Variants in ABI3BP observed in about 807,000 individuals in gnomAD.
ABI3BP encodes target of Nesh-SH3.
ABI3BP carries 216 observed loss-of-function variants against 268.6 expected under a neutral mutation model. That is an observed-to-expected ratio of 0.80 (90% confidence interval 0.72 to 0.90). The LOEUF (loss-of-function observed/expected upper bound fraction) is 0.90, where lower values mean the gene tolerates loss of function less well. ABI3BP is among the 40% of genes least tolerant of loss of function. ABI3BP has a pLI of 0.00. For missense variants in ABI3BP, 2,090 were observed against 2,182.4 expected (o/e 0.96, Z 0.84); for synonymous variants, 730 against 730.0 (o/e 1.00, Z 0.00).
chr3:100,835,423 A>T (rs570079899), intron 28 of ABI3BP, among the ~76,000 whole-genome samples, 178 bp downstream of exon 28: 2 of 152,348 alleles, frequency 1.3e-5, no homozygotes, highest in African/African-American at 4.8e-5. Flanking sequence ...GTATGGGCTT[A>T]TAACCAAGTA....
At chr3:100,822,712 A>G (rs774495280) in intron 37 of ABI3BP, 40 bp from the exon 38 acceptor site, 8 of 1,503,192 alleles carry the variant, frequency 5.3e-6, no homozygotes, top group Non-Finnish European at 7.2e-6. Flanking sequence ...TAACTGCATT[A>G]TCTATGATTC....
At chr3:100,878,281 T>A (rs1163508462) in intron 6 of ABI3BP, among the ~76,000 whole-genome samples, 2 of 152,188 alleles carry the variant, frequency 1.3e-5, no homozygotes, top group Non-Finnish European at 2.9e-5. Flanking sequence ...TATAAATACA[T>A]GTATAGAAAA....
intron 1 of ABI3BP, chr3:100,945,721 C>A: frequency 2.4e-6 from 1 of 410,538 alleles, no homozygotes; most frequent in Non-Finnish European, 4.8e-6. Context: ...TTATTCAATC[C>A]AAATATTCAT....
At position 100,770,806 on chromosome 3, in the gene ABI3BP, C is replaced by T. The variant is rs753092683; in HGVS notation, c.4678G>A (p.Val1560Met). Reference sequence around the variant, plus strand: ...ATGACAAATGAGGGGCACCCTTCCACGGTGACCACAGTGAGGTTGGTGGGT... The same window carrying T: ...ATGACAAATGAGGGGCACCCTTCCATGGTGACCACAGTGAGGTTGGTGGGT... ...NPPTNLTVVT[V>M]EGCPSFVILD... Residue 1560 changes from valine (V) to methionine (M), a missense_variant, in exon 62 of 68, where the codon GTG becomes ATG. Physicochemically the swap from Val to Met is conservative, Grantham distance 21. Coordinates refer to ENST00000471714, the MANE Select transcript of ABI3BP (RefSeq NM_001375547.2). 36 of 1,586,052 alleles carry T rather than the reference C, an allele frequency of 2.3e-5. No individual in the cohort carries two copies. Among genetic ancestry groups the T allele is most frequent in the East Asian group, 1.4e-4 (6 of 43,566 alleles).
At chr3:100,795,734 A>C (rs777963604) in intron 53 of ABI3BP, 70 bp downstream of exon 53, 3 of 1,126,638 alleles carry the variant, frequency 2.7e-6, no homozygotes, top group Non-Finnish European at 3.5e-6. Context: ...CAACAGGATC[A>C]TTTGAGAAAG....
In ABI3BP at chr3:100,794,060, T is replaced by C. The variant is rs72930692; in HGVS notation, c.3946+863A>G. ...GCCTCTTTCCCATCTGTCCGTAACT[T>C]CAAAGAACCATTTGCATCTTTGACT... On this transcript the variant is annotated intron_variant, in intron 54 of 67. Coordinates refer to ENST00000471714, the MANE Select transcript of ABI3BP (RefSeq NM_001375547.2). Among the ~76,000 whole-genome samples, 708 of 152,162 alleles carry C rather than the reference T, an allele frequency of 4.7e-3. 7 individuals are homozygous for C. The highest frequency in any genetic ancestry group is 0.016 in the African/African-American group (685 of 41,546).
At chr3:100,984,636 G>C (rs1382346577) in intron 1 of ABI3BP, among the ~76,000 whole-genome samples, 2 of 152,074 alleles carry the variant, frequency 1.3e-5, no homozygotes, top group Non-Finnish European at 1.5e-5. Flanking sequence ...GGCTTTAGTA[G>C]GTGAGGGAAA....
chr3:100,768,349 G>A (rs565596586), intron 62 of ABI3BP, among the ~76,000 whole-genome samples: 68 of 152,148 alleles, frequency 4.5e-4, no homozygotes, highest in African/African-American at 1.3e-3. Context: ...CAGCCTCCCA[G>A]AGTGCTGGGA....
At chr3:100,862,715 C>G in intron 13 of ABI3BP, 123 bp downstream of exon 13, 2 of 676,084 alleles carry the variant, frequency 3.0e-6, no homozygotes, top group Non-Finnish European at 4.7e-6. Flanking sequence ...ATCAAATCAA[C>G]CATTTGTTTG....
intron 10 of ABI3BP, among the ~76,000 whole-genome samples, chr3:100,865,145 T>C (rs748831067): frequency 7.9e-5 from 12 of 152,338 alleles, no homozygotes; most frequent in East Asian, 5.8e-4. Context: ...CTGACTTTCA[T>C]TGAAACACTT....
At chr3:100,754,224 A>T (rs2095496814) in intron 64 of ABI3BP, among the ~76,000 whole-genome samples, 1 of 152,226 alleles carries the variant, frequency 6.6e-6, no homozygotes, top group Admixed American at 6.5e-5. Flanking sequence ...TTAATGCTGT[A>T]TGTGCAGATG....
intron 11 of ABI3BP, chr3:100,864,608 C>A: frequency 2.0e-6 from 1 of 505,922 alleles, no homozygotes. Flanking sequence ...CAATTAGCAT[C>A]CAGATTTGCC....
chr3:100,750,281 T>C lies in ABI3BP; in HGVS notation c.*214A>G. The C allele has an allele frequency of 2.5e-6, 1 of 401,928 alleles. No homozygotes were observed. Among genetic ancestry groups the C allele is most frequent in the Non-Finnish European group, 4.4e-6 (1 of 226,894 alleles). The allele number at this position is 401,928 out of a possible 1,614,324, so 24.9% of individuals were successfully genotyped here. A position where few individuals can be genotyped will look rare whatever the true frequency, so the allele number is the denominator to read the frequency against. ...GCCAGCTTCCCCAAAAATGTTATTC[T>C]GTTAACATCAGTATCTTGCTTTCTT... On this transcript the variant is annotated 3_prime_UTR_variant, in exon 68 of 68. Coordinates refer to ENST00000471714, the MANE Select transcript of ABI3BP (RefSeq NM_001375547.2).
At chr3:100,863,812 C>T in intron 12 of ABI3BP, 190 bp downstream of exon 12, 2 of 538,820 alleles carry the variant, frequency 3.7e-6, no homozygotes, top group Non-Finnish European at 6.6e-6. Flanking sequence ...AAAATATGAC[C>T]ACTTAAAAGA....
chr3:100,848,885 G>A lies in ABI3BP; in HGVS notation c.1502-10C>T, dbSNP rs1383082115. 2.5e-6 allele frequency: 4 copies of A among 1,610,012 alleles called. No individual in the cohort carries two copies. The highest frequency in any genetic ancestry group is 3.4e-6 in the Non-Finnish European group (4 of 1,176,928). ...GTAGTTTGCTGGGGAGCTGAAAGAAGATTTAATATAGCTTTGATAAATGAT... is the reference window on the plus strand; with the variant it reads ...GTAGTTTGCTGGGGAGCTGAAAGAAAATTTAATATAGCTTTGATAAATGAT... On this transcript the variant is annotated splice_polypyrimidine_tract_variant and intron_variant, in intron 17 of 67. Transcript: ENST00000471714.
intron 15 of ABI3BP, 121 bp from the exon 16 acceptor site, chr3:100,850,855 G>A: frequency 2.9e-6 from 2 of 692,850 alleles, no homozygotes; most frequent in Non-Finnish European, 2.5e-6. Context: ...TTGAGGGCTT[G>A]CTGGCCCACA....
At position 100,985,235 on chromosome 3, in the gene ABI3BP, T is replaced by C. The variant is rs574045687; in HGVS notation, c.79+8071A>G. 1.3e-3 allele frequency among the ~76,000 whole-genome samples: 192 copies of C among 147,506 alleles called. 2 individuals are homozygous for C. Among genetic ancestry groups the C allele is most frequent in the African/African-American group, 4.6e-3 (186 of 40,118 alleles). Reference sequence around the variant, plus strand: ...TGCGATCTCAGCTCACTGTCACCTCTGCCTCCCGGGTTCAAGCGATTCTCC... The same window carrying C: ...TGCGATCTCAGCTCACTGTCACCTCCGCCTCCCGGGTTCAAGCGATTCTCC... On this transcript the variant is annotated intron_variant, in intron 1 of 67. Transcript: ENST00000471714.
chr3:100,778,194 T>G, intron 59 of ABI3BP, 90 bp downstream of exon 59: 2 of 1,249,638 alleles, frequency 1.6e-6, no homozygotes, highest in Non-Finnish European at 2.3e-6. Context: ...ACATCAATAG[T>G]GTGCCTGTTG....
chr3:100,864,807 G>GAA, intron 11 of ABI3BP, 26 bp downstream of exon 11: 36 of 1,334,068 alleles, frequency 2.7e-5, no homozygotes, highest in South Asian at 8.8e-5. Context: ...TGTTTTTTTA[G>GAA]AAAAAAAAAA....
Sources: allele counts gnomAD v4.1 joint callset (sites outside exome capture counted in the v4.1 genomes callset), GRCh38; gene constraint gnomAD v4.1.1; transcripts MANE v1.5; gene names NCBI Gene and HGNC (gene_info 2026-07-23, HGNC 2026-07-21).